The following LMO3 variants were observed in gnomAD, a reference collection of about 807,000 sequenced individuals.
LMO3 encodes the protein LIM domain only protein 3.
LMO3 carries 2 observed loss-of-function variants against 15.8 expected under a neutral mutation model. The ratio of observed to expected loss-of-function variants is 0.13; its 90% confidence interval spans 0.05 to 0.40. The LOEUF is 0.40. Ranked by LOEUF, LMO3 falls within the 10% of genes least tolerant of loss-of-function variation. LMO3 has a pLI of 0.99. For missense variants in LMO3, 86 were observed against 182.2 expected, an observed-to-expected ratio of 0.47 and a Z score of 3.04; for synonymous variants, 62 against 63.8, an observed-to-expected ratio of 0.97 and a Z score of 0.13.
chr12:16,602,949 G>A (rs891409243), intron 1 of LMO3, among the ~76,000 whole-genome samples: 29 of 151,516 alleles, frequency 1.9e-4, no homozygotes, highest in African/African-American at 6.3e-4. Context: ...AAATTTGTAA[G>A]GCTATTATTT....
intron 2 of LMO3, among the ~76,000 whole-genome samples, chr12:16,564,041 C>T (rs1176966234): frequency 2.0e-5 from 3 of 152,076 alleles, no homozygotes; most frequent in Non-Finnish European, 4.4e-5. Flanking sequence ...TGACAAGTAC[C>T]GGCCATACAA....
chr12:16,574,478 A>G lies in LMO3; in HGVS notation c.207-13940T>C, dbSNP rs1031423274. Among the ~76,000 whole-genome samples the G allele has an allele frequency of 8.3e-4, 126 of 152,294 alleles. 2 individuals are homozygous for G. The highest frequency in any genetic ancestry group is 6.2e-4 in the South Asian group (3 of 4,826). ...ATAGATATTCCCAACAGCCCAGACTAGCAGGCTGATATTACTTGGTATTTT... is the reference window on the plus strand; with the variant it reads ...ATAGATATTCCCAACAGCCCAGACTGGCAGGCTGATATTACTTGGTATTTT... On this transcript the variant is annotated intron_variant, in intron 2 of 3. Coordinates refer to ENST00000537304, the MANE Select transcript of LMO3 (RefSeq NM_018640.5).
Position 16,586,107 on chromosome 12 carries a change from T to C in LMO3, c.206+14548A>G, listed in dbSNP as rs1943311281. Among the ~76,000 whole-genome samples the C allele has an allele frequency of 6.6e-6, 1 of 151,968 alleles. No homozygotes were observed. The highest frequency in any genetic ancestry group is 1.5e-5 in the Non-Finnish European group (1 of 67,996). The stretch of plus-strand genomic sequence containing the variant: ...AAAAATTTTTGAGGGGCCAAAACAA[T>C]AGGGGTCAAGATCAAAGACACAGGG... On this transcript the variant is annotated intron_variant, in intron 2 of 3. Transcript: ENST00000537304. The surrounding 1 kb of genome is among the most constrained non-coding windows in gnomAD (Gnocchi z 4.3).
upstream of LMO3, chr12:16,609,061 T>G (rs1944079982): frequency 6.6e-6 from 1 of 152,132 alleles, no homozygotes; most frequent in Admixed American, 6.5e-5. Flanking sequence ...AAATAGCAGT[T>G]TTTCTCTTCA....
At chr12:16,566,933 C>T (rs1591787412) in intron 2 of LMO3, among the ~76,000 whole-genome samples, 1 of 152,154 alleles carries the variant, frequency 6.6e-6, no homozygotes, top group African/African-American at 2.4e-5. Flanking sequence ...AAAGCCCATG[C>T]TACATAGTCA....
intron 3 of LMO3, among the ~76,000 whole-genome samples, chr12:16,554,336 A>G (rs1942105111): frequency 6.6e-6 from 1 of 152,228 alleles, no homozygotes; most frequent in African/African-American, 2.4e-5. Flanking sequence ...ACTGACAATT[A>G]TGATTAATTT....
At chr12:16,565,095 T>G (rs2137375884) in intron 2 of LMO3, among the ~76,000 whole-genome samples, 1 of 152,266 alleles carries the variant, frequency 6.6e-6, no homozygotes, top group Non-Finnish European at 1.5e-5. Flanking sequence ...GGTCTAGTAT[T>G]TGTTAAAATA....
Position 16,560,573 on chromosome 12 carries a change from T to A in LMO3, c.207-35A>T. ...GAAACATTTTTTTTTTTTTACAAACTCTTACAGAGAAATCTGAGATCGTGA... is the reference window on the plus strand; with the variant it reads ...GAAACATTTTTTTTTTTTTACAAACACTTACAGAGAAATCTGAGATCGTGA... On this transcript the variant is annotated intron_variant, in intron 2 of 3. Transcript: ENST00000537304. This position sits in a 1 kb window ranked among gnomAD's most constrained non-coding sequence, Gnocchi z 5.0. The A allele has an allele frequency of 6.3e-7, 1 of 1,584,494 alleles. No homozygotes were observed. The highest frequency in any genetic ancestry group is 8.6e-7 in the Non-Finnish European group (1 of 1,160,710).
intron 2 of LMO3, among the ~76,000 whole-genome samples, chr12:16,566,013 TATATATATATATATATATATATATA>T (rs1942590843): frequency 2.5e-5 from 2 of 78,734 alleles, no homozygotes; most frequent in African/African-American, 9.1e-5. Context: ...TATATATATA[TATATATATATATATATATATATATA>T]TAAAATGGAG....
chr12:16,551,865 G>A (rs543197646), intron 3 of LMO3, among the ~76,000 whole-genome samples: 3 of 152,044 alleles, frequency 2.0e-5, no homozygotes, highest in East Asian at 3.9e-4. Context: ...ATCTAGAAGT[G>A]ATCATTCTGA....
rs879900569 is a variant in LMO3, at chr12:16,585,813, C to G, written c.206+14842G>C. ...ACAATTGTTAGAAAGTAAATTTGAT[C>G]TGGGCTTCCCAGGAAACAAAGAAAA... On this transcript the variant is annotated intron_variant, in intron 2 of 3. Transcript: ENST00000537304. This position sits in a 1 kb window ranked among gnomAD's most constrained non-coding sequence, Gnocchi z 4.7. Among the ~76,000 whole-genome samples the G allele has an allele frequency of 2.0e-5, 3 of 152,146 alleles. No homozygotes were observed. Among genetic ancestry groups the G allele is most frequent in the Admixed American group, 6.6e-5 (1 of 15,258 alleles).
intron 3 of LMO3, among the ~76,000 whole-genome samples, chr12:16,554,999 T>C (rs951935841): frequency 6.6e-6 from 1 of 152,208 alleles, no homozygotes; most frequent in Non-Finnish European, 1.5e-5. Flanking sequence ...CTTCTAACTG[T>C]AATCTTGGGC....
intron 2 of LMO3, chr12:16,600,291 C>CAAAAAAAAAAAAAA (rs35993210): frequency 4.3e-5 from 3 of 69,676 alleles, no homozygotes; most frequent in Admixed American, 1.8e-4. Flanking sequence ...CCTTAAGCTC[C>CAAAAAAAAAAAAAA]AAAAAAAAAA....
intron 3 of LMO3, among the ~76,000 whole-genome samples, chr12:16,556,446 G>A (rs1194357023): frequency 6.6e-6 from 1 of 152,038 alleles, no homozygotes; most frequent in Non-Finnish European, 1.5e-5. Flanking sequence ...ATCCTGAAAG[G>A]TTATTATTAC....
Position 16,560,570 on chromosome 12 carries a change from A to C in LMO3, c.207-32T>G. The C allele has an allele frequency of 1.3e-6, 2 of 1,586,784 alleles. No individual in the cohort carries two copies. Among genetic ancestry groups the C allele is most frequent in the Non-Finnish European group, 1.7e-6 (2 of 1,161,008 alleles). On this transcript the variant is annotated intron_variant, in intron 2 of 3. Transcript: ENST00000537304. The surrounding 1 kb of genome is among the most constrained non-coding windows in gnomAD (Gnocchi z 5.0). ...TAAGAAACATTTTTTTTTTTTTACA[A>C]ACTCTTACAGAGAAATCTGAGATCG... is the stretch of plus-strand genomic sequence containing the variant.
upstream of LMO3, chr12:16,606,384 A>C (rs1944003516): frequency 6.6e-6 from 1 of 152,438 alleles, no homozygotes; most frequent in Non-Finnish European, 1.5e-5. Flanking sequence ...TCCGGCTCTC[A>C]GCTGCAAAAT....
intron 1 of LMO3, chr12:16,605,216 G>A (rs1943948178): frequency 3.8e-6 from 5 of 1,308,612 alleles, no homozygotes; most frequent in Non-Finnish European, 4.9e-6. Context: ...TTAGCTTCCT[G>A]GTAACAAATG....
chr12:16,588,282 T>G (rs1268791334), intron 2 of LMO3, among the ~76,000 whole-genome samples: 1 of 152,002 alleles, frequency 6.6e-6, no homozygotes, highest in Non-Finnish European at 1.5e-5. Context: ...TGCACTCAAA[T>G]TTCTTTAAGA....
At position 16,582,977 on chromosome 12, in the gene LMO3, G is replaced by A. The variant is rs1362808429; in HGVS notation, c.206+17678C>T. ...CAGGAAAATCTCTTGAAGCTGGGAG[G>A]CAGAGGTTGTAGTGAGCTGAGATCA... On this transcript the variant is annotated intron_variant, in intron 2 of 3. Transcript: ENST00000537304. The surrounding 1 kb of genome is among the most constrained non-coding windows in gnomAD (Gnocchi z 4.1). Among the ~76,000 whole-genome samples, 1 of 149,848 alleles carries A rather than the reference G, an allele frequency of 6.7e-6. No homozygotes were observed. Among genetic ancestry groups the A allele is most frequent in the Admixed American group, 6.7e-5 (1 of 14,816 alleles).
Sources: allele counts gnomAD v4.1 joint callset (sites outside exome capture counted in the v4.1 genomes callset), GRCh38; gene constraint gnomAD v4.1.1; non-coding constraint Gnocchi (gnomAD v3.1); transcripts MANE v1.5; gene names NCBI Gene and HGNC (gene_info 2026-07-23, HGNC 2026-07-21).